Variants in RAD51 observed in about 807,000 individuals in gnomAD.
RAD51 encodes the protein DNA repair protein RAD51 homolog 1.
RAD51 carries 14 observed loss-of-function variants against 41.5 expected under a neutral mutation model. The observed-to-expected ratio is 0.34, with a 90% CI of 0.22 to 0.53. The LOEUF (loss-of-function observed/expected upper bound fraction) is 0.53. Among genes scored for constraint, RAD51 ranks in the 20% least tolerant of loss-of-function variants. The pLI is 0.95. For missense variants in RAD51, 234 were observed against 422.0 expected, an observed-to-expected ratio of 0.55 and a Z score of 3.90; for synonymous variants, 136 against 148.6, an observed-to-expected ratio of 0.92 and a Z score of 0.62.
chr15:40,721,427 A>T (rs1896265771), intron 6 of RAD51, among the ~76,000 whole-genome samples: 1 of 152,234 alleles, frequency 6.6e-6, no homozygotes, highest in African/African-American at 2.4e-5. Context: ...GTGATGGCAT[A>T]TGGATAAATA....
intron 6 of RAD51, among the ~76,000 whole-genome samples, chr15:40,725,013 C>T (rs1896508000): frequency 6.6e-6 from 1 of 151,064 alleles, no homozygotes; most frequent in South Asian, 2.1e-4. Context: ...CATTCTCCTG[C>T]CTCAGCCTCC....
rs902086953 is a variant in RAD51, at chr15:40,725,284, G to A, written c.531-3427G>A. The stretch of plus-strand genomic sequence containing the variant: ...TGGCCTAGAGTGATTCTCCCTCCTC[G>A]GCCTCCCAAAGTGCTGAGATTACAG... On this transcript the variant is annotated intron_variant, in intron 6 of 9. Coordinates refer to ENST00000267868, the MANE Select transcript of RAD51 (RefSeq NM_002875.5). Among the ~76,000 whole-genome samples, 7 of 152,020 alleles carry A rather than the reference G, an allele frequency of 4.6e-5. No homozygotes were observed. The East Asian group carries it at 9.6e-4, about 21-fold the overall frequency.
chr15:40,718,426 G>T (rs554601662), intron 5 of RAD51, among the ~76,000 whole-genome samples: 1 of 151,800 alleles, frequency 6.6e-6, no homozygotes, highest in South Asian at 2.1e-4. Flanking sequence ...GCTGAGGCAG[G>T]AGAGTTGCTT....
At chr15:40,712,311 GTT>G (rs1264220467) in intron 5 of RAD51, among the ~76,000 whole-genome samples, 1 of 152,172 alleles carries the variant, frequency 6.6e-6, no homozygotes, top group Non-Finnish European at 1.5e-5. Context: ...GGGGAAGACA[GTT>G]TTGTTGGAAA....
intron 5 of RAD51, among the ~76,000 whole-genome samples, chr15:40,709,796 C>T (rs1320810949): frequency 6.6e-6 from 1 of 152,230 alleles, no homozygotes; most frequent in Non-Finnish European, 1.5e-5. Flanking sequence ...TCTATCTTCT[C>T]AGTGTCTGTA....
chr15:40,719,533 C>G (rs1161255257), intron 6 of RAD51, among the ~76,000 whole-genome samples: 1 of 152,006 alleles, frequency 6.6e-6, no homozygotes, highest in African/African-American at 2.4e-5. Context: ...ACAAAGTACA[C>G]TTTAAGGCAG....
intron 3 of RAD51, among the ~76,000 whole-genome samples, chr15:40,704,738 C>G (rs1421088845): frequency 2.0e-5 from 3 of 148,736 alleles, no homozygotes; most frequent in African/African-American, 7.5e-5. Context: ...GGTGCAAATT[C>G]AGCTCACTGC....
At chr15:40,730,930 G>A in intron 9 of RAD51, 125 bp from the exon 10 acceptor site, 1 of 1,298,666 alleles carries the variant, frequency 7.7e-7, no homozygotes. Flanking sequence ...AAACAGTACA[G>A]AAACATTCCC....
At chr15:40,714,668 A>G (rs142334630) in intron 5 of RAD51, among the ~76,000 whole-genome samples, 99 of 152,370 alleles carry the variant, frequency 6.5e-4, no homozygotes, top group African/African-American at 2.3e-3. Flanking sequence ...ATTACATTTC[A>G]TCAGCCTAAG....
intron 1 of RAD51, 144 bp downstream of exon 1, chr15:40,695,569 C>G (rs45484495): frequency 0.013 from 2,040 of 152,530 alleles, 31 homozygotes; most frequent in East Asian, 0.02. Context: ...TGTCCGCGCC[C>G]GACCGACCCT....
intron 1 of RAD51, 135 bp downstream of exon 1, chr15:40,695,560 G>T (rs962067292): frequency 2.0e-5 from 3 of 152,432 alleles, no homozygotes; most frequent in African/African-American, 7.2e-5. Flanking sequence ...GGCAGGGCGT[G>T]TCCGCGCCCG....
intron 3 of RAD51, 77 bp from the exon 4 acceptor site, chr15:40,706,100 T>C (rs1431421122): frequency 1.3e-5 from 13 of 1,013,892 alleles, no homozygotes; most frequent in Non-Finnish European, 1.9e-5. Context: ...TTTTTCTTTA[T>C]ATATATTTTT....
At chr15:40,722,509 TG>T (rs1167816887) in intron 6 of RAD51, among the ~76,000 whole-genome samples, 1 of 151,122 alleles carries the variant, frequency 6.6e-6, no homozygotes, top group African/African-American at 2.4e-5. Context: ...GGTGGTTTTC[TG>T]GGGGTAGGGA....
At chr15:40,721,541 C>T (rs925466499) in intron 6 of RAD51, among the ~76,000 whole-genome samples, 5 of 152,076 alleles carry the variant, frequency 3.3e-5, no homozygotes, top group African/African-American at 1.2e-4. Flanking sequence ...CGTGGTCTCG[C>T]TGTCTTGCCC....
At chr15:40,723,227 T>C (rs1896370273) in intron 6 of RAD51, among the ~76,000 whole-genome samples, 2 of 152,160 alleles carry the variant, frequency 1.3e-5, no homozygotes, top group African/African-American at 4.8e-5. Flanking sequence ...GTAGAGAAAC[T>C]GGAACCCTCA....
rs187525601 is a variant in RAD51, at chr15:40,731,833, C to T, written c.*655C>T. ...GTGTCTTGCGCCTGTACTCCCAGCA[C>T]TTTGGGAGGCCGAGGCAGGTGGATC... On this transcript the variant is annotated 3_prime_UTR_variant, in exon 10 of 10. Coordinates refer to ENST00000267868, the MANE Select transcript of RAD51 (RefSeq NM_002875.5). 2.4e-5 allele frequency: 5 copies of T among 211,792 alleles called. No homozygotes were observed. The highest frequency in any genetic ancestry group is 1.1e-4 in the African/African-American group (5 of 44,236). 13.1% of individuals were successfully genotyped at this position (211,792 alleles called of 1,614,324 possible).
At chr15:40,730,326 A>G (rs977421159) in intron 9 of RAD51, among the ~76,000 whole-genome samples, 1 of 151,984 alleles carries the variant, frequency 6.6e-6, no homozygotes, top group African/African-American at 2.4e-5. Context: ...TAAGGGCAAC[A>G]AAGTGAGGCC....
chr15:40,698,267 C>T (rs1027393100), intron 1 of RAD51, among the ~76,000 whole-genome samples: 2 of 151,608 alleles, frequency 1.3e-5, no homozygotes, highest in Non-Finnish European at 1.5e-5. Context: ...CGGCTCACTG[C>T]GATCTCTGTC....
chr15:40,704,450 C>T (rs1254964282), intron 3 of RAD51, among the ~76,000 whole-genome samples: 2 of 151,276 alleles, frequency 1.3e-5, no homozygotes, highest in African/African-American at 2.4e-5. Context: ...CAACCTCCGC[C>T]GCCCGGGTTC....
Sources: allele counts gnomAD v4.1 joint callset (sites outside exome capture counted in the v4.1 genomes callset), GRCh38; gene constraint gnomAD v4.1.1; transcripts MANE v1.5; gene names NCBI Gene and HGNC (gene_info 2026-07-23, HGNC 2026-07-21).